The following FMNL3 variants were observed in gnomAD, a reference collection of about 807,000 sequenced individuals.
FMNL3 encodes formin like 3, also known as formin-like protein 3.
FMNL3 carries 57 observed loss-of-function variants against 119.6 expected under a neutral mutation model. The ratio of observed to expected loss-of-function variants is 0.48; its 90% CI spans 0.39 to 0.59. The LOEUF is 0.59. Ranked by LOEUF, FMNL3 falls within the 20% of genes least tolerant of loss-of-function variation. The pLI is 0.00. For missense variants in FMNL3, 1,053 were observed against 1,323.5 expected (o/e 0.80, Z 3.17); for synonymous variants, 491 against 507.3 (o/e 0.97, Z 0.43).
Position 49,648,920 on chromosome 12 carries a change from T to C in FMNL3, c.2515+109A>G, listed in dbSNP as rs573462069. The C allele has an allele frequency of 1.5e-4, 224 of 1,473,360 alleles. 1 individual carries two copies. The African/African-American group carries it at 2.8e-3, about 18-fold the overall frequency. 91.3% of individuals were successfully genotyped at this position (1,473,360 alleles called of 1,614,324 possible). On this transcript the variant is annotated intron_variant, in intron 21 of 25. Transcript: ENST00000335154. ...AGCTTTGAAGTGGTCAGAAAGAAGA[T>C]AACAAAAGCCAGAAACAAATGGACC...
At chr12:49,697,291 C>A (rs1270753185) in intron 1 of FMNL3, among the ~76,000 whole-genome samples, 4 of 152,186 alleles carry the variant, frequency 2.6e-5, no homozygotes, top group African/African-American at 4.8e-5. Context: ...AAGAGGTCCA[C>A]CTCTTTCCTA....
At position 49,637,186 on chromosome 12, in the gene FMNL3, G is replaced by T. The variant is rs1941944265; in HGVS notation, c.*8629C>A. 3.5e-6 allele frequency: 2 copies of T among 572,714 alleles called. No homozygotes were observed. The highest frequency in any genetic ancestry group is 4.3e-5 in the South Asian group (2 of 46,206). The allele number at this position is 572,714 out of a possible 1,614,324, so 35.5% of individuals were successfully genotyped here. On this transcript the variant is annotated 3_prime_UTR_variant, in exon 26 of 26. Coordinates refer to ENST00000335154, the MANE Select transcript of FMNL3 (RefSeq NM_175736.5). The stretch of plus-strand genomic sequence containing the variant: ...CCCTCAGCTTGGGGGTGGCAGTGGT[G>T]GTGGTAGTGCTAGGGGTTACTGCAG...
At position 49,674,212 on chromosome 12, in the gene FMNL3, C is replaced by G. The variant is rs76014493; in HGVS notation, c.127-5658G>C. On this transcript the variant is annotated intron_variant, in intron 1 of 25. Transcript: ENST00000335154. Reference sequence around the variant, plus strand: ...GGAGAAGATAACTTGAAACAGACAGCCTGAAATGGGCTGAGTCAACTATGA... The same window carrying G: ...GGAGAAGATAACTTGAAACAGACAGGCTGAAATGGGCTGAGTCAACTATGA... 7.3e-4 allele frequency among the ~76,000 whole-genome samples: 111 copies of G among 152,320 alleles called. 3 individuals carry two copies. In the East Asian group the frequency reaches 0.017, roughly 24 times the overall value.
At chr12:49,667,893 G>A (rs764493295) in intron 2 of FMNL3, among the ~76,000 whole-genome samples, 27 of 152,164 alleles carry the variant, frequency 1.8e-4, no homozygotes, top group Non-Finnish European at 3.4e-4. Flanking sequence ...ACAGACTCGT[G>A]ACTCATGATC....
In FMNL3 at chr12:49,650,393, T is replaced by C. The variant is rs115074985; in HGVS notation, c.2000+283A>G. On this transcript the variant is annotated intron_variant, in intron 17 of 25. Transcript: ENST00000335154. The stretch of plus-strand genomic sequence containing the variant: ...TCATTCATCACCAAGCTCAGCTACA[T>C]GAACCTCCCTATTCTCCCAAAGCTG... 4.6e-3 allele frequency among the ~76,000 whole-genome samples: 705 copies of C among 152,324 alleles called. 1 individual carries two copies. Among genetic ancestry groups the C allele is most frequent in the African/African-American group, 0.016 (680 of 41,580 alleles).
At chr12:49,700,481 G>A (rs377536070) in intron 1 of FMNL3, among the ~76,000 whole-genome samples, 13 of 151,392 alleles carry the variant, frequency 8.6e-5, no homozygotes, top group South Asian at 4.2e-4. Flanking sequence ...TTGGGAGGCC[G>A]AGGCAGGTGG....
rs777735176 is a variant in FMNL3 at position 49,636,741 on chromosome 12, C to T, written c.*9074G>A. The T allele has an allele frequency of 1.2e-6, 2 of 1,614,088 alleles. No individual in the cohort carries two copies. Among genetic ancestry groups the T allele is most frequent in the Non-Finnish European group, 8.5e-7 (1 of 1,180,044 alleles). On this transcript the variant is annotated 3_prime_UTR_variant, in exon 26 of 26. Transcript: ENST00000335154. Reference sequence around the variant, plus strand: ...ACATGGACAAGGAAGATGCACTGATCTGTTTTGAGGAGCACATCCGAGCTT... The same window carrying T: ...ACATGGACAAGGAAGATGCACTGATTTGTTTTGAGGAGCACATCCGAGCTT...
In FMNL3 at chr12:49,649,349, G is replaced by A. The variant is rs778026273; in HGVS notation, c.2305-10C>T. The A allele has an allele frequency of 1.9e-6, 3 of 1,614,122 alleles. No individual in the cohort carries two copies. The highest frequency in any genetic ancestry group is 2.5e-6 in the Non-Finnish European group (3 of 1,180,030). ...CCAGTGCAAGTATGATCTGTCCAAA[G>A]AATGTGTGGGAGGCAGGTCAGGCTC... is the stretch of plus-strand genomic sequence containing the variant. On this transcript the variant is annotated splice_polypyrimidine_tract_variant and intron_variant, in intron 19 of 25. Coordinates refer to ENST00000335154, the MANE Select transcript of FMNL3 (RefSeq NM_175736.5). The surrounding 1 kb of genome is among the most constrained non-coding windows in gnomAD (Gnocchi z 5.6).
chr12:49,646,209 A>C (rs1387317737), intron 25 of FMNL3, among the ~76,000 whole-genome samples: 1 of 152,170 alleles, frequency 6.6e-6, no homozygotes. Flanking sequence ...GACGTCAGGA[A>C]ACAGATCAAG....
Position 49,647,939 on chromosome 12 carries a change from C to T in FMNL3, c.2677-135G>A, listed in dbSNP as rs751525035. ...AACCAAGCACCCAGGCCCCTGTGAG[C>T]TGGAGGGAACCTGGGGCTCCCAAAG... On this transcript the variant is annotated intron_variant, in intron 22 of 25. Transcript: ENST00000335154. This position sits in a 1 kb window ranked among gnomAD's most constrained non-coding sequence, Gnocchi z 4.9. 1.2e-6 allele frequency: 1 copy of T among 811,820 alleles called. No homozygotes were observed. Among genetic ancestry groups the T allele is most frequent in the African/African-American group, 1.7e-5 (1 of 57,594 alleles). The allele number at this position is 811,820 out of a possible 1,614,324, so 50.3% of individuals were successfully genotyped here.
intron 10 of FMNL3, 120 bp from the exon 11 acceptor site, chr12:49,654,422 A>G (rs1317974300): frequency 1.4e-6 from 1 of 726,784 alleles, no homozygotes; most frequent in Non-Finnish European, 2.3e-6. Context: ...GGAGTCAATT[A>G]AAGAGTTAAG....
Position 49,647,258 on chromosome 12 carries a change from G to A in FMNL3, c.2871+18C>T. On this transcript the variant is annotated intron_variant, in intron 24 of 25. Coordinates refer to ENST00000335154, the MANE Select transcript of FMNL3 (RefSeq NM_175736.5). This position sits in a 1 kb window ranked among gnomAD's most constrained non-coding sequence, Gnocchi z 4.9. The stretch of plus-strand genomic sequence containing the variant: ...TTGCCTTGTCGTCCTCCAGGCCCCA[G>A]CTCTTGGTCCCACCCACCTTGGCAT... 1 of 1,613,620 alleles carries A rather than the reference G, an allele frequency of 6.2e-7. No homozygotes were observed. The highest frequency in any genetic ancestry group is 1.1e-5 in the South Asian group (1 of 91,072).
chr12:49,637,007 G>A lies in FMNL3; in HGVS notation c.*8808C>T. ...CTCTCTCTGCCTGCAGTCTGTTTCT[G>A]CTGTACCTCCTCAATTCTGGACTGT... On this transcript the variant is annotated 3_prime_UTR_variant, in exon 26 of 26. Coordinates refer to ENST00000335154, the MANE Select transcript of FMNL3 (RefSeq NM_175736.5). 9.1e-7 allele frequency: 1 copy of A among 1,096,922 alleles called. No individual in the cohort carries two copies. The highest frequency in any genetic ancestry group is 1.3e-6 in the Non-Finnish European group (1 of 770,360). 67.9% of individuals were successfully genotyped at this position (1,096,922 alleles called of 1,614,324 possible).
chr12:49,650,010 A>C (rs1406950068), intron 17 of FMNL3, 85 bp from the exon 18 acceptor site: 1 of 1,213,872 alleles, frequency 8.2e-7, no homozygotes, highest in Non-Finnish European at 1.2e-6. Flanking sequence ...TCCTAGAAGA[A>C]CTGGACAGGG....
intron 14 of FMNL3, among the ~76,000 whole-genome samples, chr12:49,651,714 G>C (rs1484595012): frequency 6.6e-6 from 1 of 152,198 alleles, no homozygotes; most frequent in Admixed American, 6.5e-5. Context: ...ACATCTTTAT[G>C]ATCCTTAAAA....
rs900390579 is a variant in FMNL3 at position 49,639,004 on chromosome 12, A to G, written c.*6811T>C. ...AATTTAATATTTTAAATTACTTACC[A>G]TTAGGTAAGATGTATCATACTGTCC... On this transcript the variant is annotated 3_prime_UTR_variant, in exon 26 of 26. Transcript: ENST00000335154. The G allele has an allele frequency of 6.6e-6, 1 of 152,214 alleles. No homozygotes were observed. The allele number at this position is 152,214 out of a possible 1,614,324, so 9.4% of individuals were successfully genotyped here. A position where few individuals can be genotyped will look rare whatever the true frequency, so the allele number is the denominator to read the frequency against.
chr12:49,641,722 AG>A lies in FMNL3; in HGVS notation c.*4092del, dbSNP rs1274122909. 14 of 587,096 alleles carry A rather than the reference AG, an allele frequency of 2.4e-5. No homozygotes were observed. The highest frequency in any genetic ancestry group is 4.2e-5 in the Non-Finnish European group (14 of 329,604). 36.4% of individuals were successfully genotyped at this position (587,096 alleles called of 1,614,324 possible). A position where few individuals can be genotyped will look rare whatever the true frequency, so the allele number is the denominator to read the frequency against. ...TCTGTGTGACATCCAAACCAAGGGT[AG>A]GCATGGGGGCTTAATTGTCAAGTGA... On this transcript the variant is annotated 3_prime_UTR_variant, in exon 26 of 26. Transcript: ENST00000335154.
At chr12:49,687,394 T>A (rs766234375) in intron 1 of FMNL3, among the ~76,000 whole-genome samples, 72 of 151,548 alleles carry the variant, frequency 4.8e-4, no homozygotes, top group Non-Finnish European at 9.3e-4. Flanking sequence ...GCCTGGCCCC[T>A]CTCTCTTATT....
chr12:49,654,172 A>G lies in FMNL3; in HGVS notation c.1071+20T>C. The G allele has an allele frequency of 1.9e-6, 3 of 1,606,978 alleles. No individual in the cohort carries two copies. Among genetic ancestry groups the G allele is most frequent in the Non-Finnish European group, 2.6e-6 (3 of 1,173,822 alleles). On this transcript the variant is annotated intron_variant, in intron 11 of 25. Coordinates refer to ENST00000335154, the MANE Select transcript of FMNL3 (RefSeq NM_175736.5). ...CTGATCCCAAAGCACCTCACCTTAC[A>G]AGGACCCCAGCCAGCTCACCTGCAG...
Sources: gnomAD v4.1 joint callset for allele counts (sites outside exome capture counted in the v4.1 genomes callset) on GRCh38, gnomAD v4.1.1 for gene constraint, Gnocchi (gnomAD v3.1) non-coding constraint, MANE v1.5 for transcripts, NCBI Gene and HGNC (gene_info 2026-07-23, HGNC 2026-07-21) for gene names.